STK39: variants seen among roughly 807,000 people sequenced by gnomAD.
The protein encoded by STK39 is serine/threonine kinase 39.
In STK39, 20 loss-of-function variants were observed where a neutral mutation model predicts 77.8. That is an observed-to-expected ratio of 0.26 (90% CI 0.18 to 0.37). The LOEUF is 0.37. STK39 is among the 10% of genes least tolerant of loss of function. STK39 has a pLI of 1.00. For missense variants in STK39, 479 were observed against 656.5 expected (o/e 0.73, Z 2.95); for synonymous variants, 246 against 234.1 (o/e 1.05, Z -0.47).
rs143631988 is a variant in STK39, at chr2:168,017,439, C to T, written c.1377-344G>A. On this transcript the variant is annotated intron_variant, in intron 14 of 17. Transcript: ENST00000355999. Reference sequence around the variant, plus strand: ...CGCTCTTGTTGTCCAGGCTGGAGTGCGATGGTGTGATCTCACTGCAACCCA... The same window carrying T: ...CGCTCTTGTTGTCCAGGCTGGAGTGTGATGGTGTGATCTCACTGCAACCCA... Among the ~76,000 whole-genome samples the T allele has an allele frequency of 8.9e-3, 1,091 of 123,142 alleles. 10 individuals are homozygous for T. The highest frequency in any genetic ancestry group is 0.036 in the African/African-American group (992 of 27,876). 80.8% of individuals were successfully genotyped at this position (123,142 alleles called of 152,430 possible).
Position 168,188,521 on chromosome 2 carries a change from G to A in STK39, c.209-6431C>T, listed in dbSNP as rs144139967. On this transcript the variant is annotated intron_variant, in intron 1 of 17. Transcript: ENST00000355999. The stretch of plus-strand genomic sequence containing the variant: ...TTGCCTGAGTGTGTTACTGCTATTC[G>A]CCTTCAAAGGTACACCCTTCCTTAC... Among the ~76,000 whole-genome samples, 539 of 152,228 alleles carry A rather than the reference G, an allele frequency of 3.5e-3. 5 individuals are homozygous for A. Among genetic ancestry groups the A allele is most frequent in the South Asian group, 8.3e-3 (40 of 4,814 alleles).
At chr2:168,160,597 A>G (rs1281852502) in intron 5 of STK39, among the ~76,000 whole-genome samples, 3 of 152,176 alleles carry the variant, frequency 2.0e-5, no homozygotes, top group Non-Finnish European at 2.9e-5. Flanking sequence ...GAAGTAGTTT[A>G]TATTTTTACC....
chr2:168,230,136 C>A (rs892982346), intron 1 of STK39, among the ~76,000 whole-genome samples: 12 of 152,160 alleles, frequency 7.9e-5, no homozygotes, highest in African/African-American at 2.9e-4. Flanking sequence ...AAGGAATTTG[C>A]AAAATGGCAA....
intron 10 of STK39, among the ~76,000 whole-genome samples, chr2:168,120,197 AT>A (rs1216933675): frequency 6.6e-6 from 1 of 152,232 alleles, no homozygotes; most frequent in Non-Finnish European, 1.5e-5. Flanking sequence ...CCTATTTAAC[AT>A]ATCTTATACT....
chr2:168,177,711 G>A (rs981995349), intron 2 of STK39, among the ~76,000 whole-genome samples: 4 of 152,142 alleles, frequency 2.6e-5, no homozygotes, highest in African/African-American at 9.7e-5. Context: ...CCTAGCCTTT[G>A]AGGTTGATCA....
intron 1 of STK39, among the ~76,000 whole-genome samples, chr2:168,239,623 C>T (rs780361164): frequency 2.0e-5 from 3 of 152,230 alleles, no homozygotes; most frequent in South Asian, 2.1e-4. Context: ...AATTTTTAGA[C>T]GTCAGGCAAT....
In STK39 at chr2:167,954,358, T is replaced by A. The variant is rs1691711665; in HGVS notation, c.*1138A>T. 6.6e-6 allele frequency: 1 copy of A among 152,610 alleles called. No individual in the cohort carries two copies. Among genetic ancestry groups the A allele is most frequent in the Non-Finnish European group, 1.5e-5 (1 of 68,024 alleles). The allele number at this position is 152,610 out of a possible 1,614,324, so 9.5% of individuals were successfully genotyped here. ...ATATACAGTCAAGCAGAGGGCTACT[T>A]GGGTTGAAAGTATTGATTCTTGAAC... is the stretch of plus-strand genomic sequence containing the variant. On this transcript the variant is annotated 3_prime_UTR_variant, in exon 18 of 18. Coordinates refer to ENST00000355999, the MANE Select transcript of STK39 (RefSeq NM_013233.3).
intron 17 of STK39, among the ~76,000 whole-genome samples, chr2:167,963,005 C>T (rs528405185): frequency 3.3e-5 from 5 of 152,220 alleles, no homozygotes; most frequent in East Asian, 3.9e-4. Context: ...TAGCCTGTCC[C>T]GGGTGTGCGG....
At chr2:167,981,422 T>C (rs1472109010) in intron 16 of STK39, among the ~76,000 whole-genome samples, 2 of 152,204 alleles carry the variant, frequency 1.3e-5, no homozygotes, top group East Asian at 3.9e-4. Context: ...GATGGATTGG[T>C]TTGGATCAAG....
At chr2:168,107,661 C>T (rs1687009760) in intron 10 of STK39, among the ~76,000 whole-genome samples, 1 of 152,202 alleles carries the variant, frequency 6.6e-6, no homozygotes, top group Admixed American at 6.5e-5. Flanking sequence ...AGCCTTTTCT[C>T]TGCTTCACAG....
At position 168,193,632 on chromosome 2, in the gene STK39, G is replaced by A. The variant is rs77805561; in HGVS notation, c.209-11542C>T. Reference sequence around the variant, plus strand: ...TGCAGATCCCACAATACCATGAGTCGGAGCCTGGCAGGACATCAGGAGAAT... The same window carrying A: ...TGCAGATCCCACAATACCATGAGTCAGAGCCTGGCAGGACATCAGGAGAAT... On this transcript the variant is annotated intron_variant, in intron 1 of 17. Coordinates refer to ENST00000355999, the MANE Select transcript of STK39 (RefSeq NM_013233.3). 2.4e-3 allele frequency among the ~76,000 whole-genome samples: 371 copies of A among 152,336 alleles called. 1 individual carries two copies. Among genetic ancestry groups the A allele is most frequent in the Middle Eastern group, 6.8e-3 (2 of 294 alleles).
intron 1 of STK39, among the ~76,000 whole-genome samples, chr2:168,196,775 A>G (rs1689480596): frequency 6.6e-6 from 1 of 152,200 alleles, no homozygotes; most frequent in African/African-American, 2.4e-5. Flanking sequence ...GTGGGCTGAC[A>G]AGAAGGGGCT....
intron 10 of STK39, among the ~76,000 whole-genome samples, chr2:168,127,560 G>A (rs1343975269): frequency 1.3e-5 from 2 of 152,250 alleles, no homozygotes. Flanking sequence ...GGGAAGCACA[G>A]ATGGTTCAGT....
chr2:168,229,597 G>A (rs1690400223), intron 1 of STK39, among the ~76,000 whole-genome samples: 1 of 152,144 alleles, frequency 6.6e-6, no homozygotes, highest in South Asian at 2.1e-4. Context: ...ATAAAATATT[G>A]CTGGATTGAC....
intron 17 of STK39, among the ~76,000 whole-genome samples, chr2:167,958,493 T>G (rs1299954776): frequency 6.6e-6 from 1 of 152,186 alleles, no homozygotes; most frequent in Non-Finnish European, 1.5e-5. Context: ...CCCTACCCAC[T>G]GCAAGAAAAC....
intron 12 of STK39, among the ~76,000 whole-genome samples, chr2:168,074,236 T>C (rs1686016252): frequency 6.6e-6 from 1 of 152,240 alleles, no homozygotes; most frequent in Non-Finnish European, 1.5e-5. Context: ...ATGGATATCA[T>C]TTGTAGTCCA....
intron 17 of STK39, among the ~76,000 whole-genome samples, chr2:167,959,241 C>T (rs1466464253): frequency 6.6e-6 from 1 of 151,826 alleles, no homozygotes; most frequent in East Asian, 1.9e-4. Context: ...GCCTCAGCCT[C>T]TCGAGGAGCT....
chr2:168,126,593 T>C (rs1322263917), intron 10 of STK39, among the ~76,000 whole-genome samples: 1 of 152,120 alleles, frequency 6.6e-6, no homozygotes, highest in Non-Finnish European at 1.5e-5. Context: ...ACAGGAATCC[T>C]AGGAACACGT....
chr2:168,007,685 G>T (rs1684165930), intron 16 of STK39, among the ~76,000 whole-genome samples: 1 of 152,078 alleles, frequency 6.6e-6, no homozygotes. Flanking sequence ...TGGCCCTAAA[G>T]AAGGAGTGTC....
Sources: gnomAD v4.1 joint callset for allele counts (sites outside exome capture counted in the v4.1 genomes callset) on GRCh38, gnomAD v4.1.1 for gene constraint, MANE v1.5 for transcripts, NCBI Gene and HGNC (gene_info 2026-07-23, HGNC 2026-07-21) for gene names.